The following KCNAB1 variants were observed in gnomAD, a reference collection of about 807,000 sequenced individuals.
The protein encoded by KCNAB1 is potassium voltage-gated channel subfamily A regulatory beta subunit 1.
Under a neutral mutation model 64.6 loss-of-function variants are expected in KCNAB1, and 35 were observed. That is an observed-to-expected ratio of 0.54 (90% CI 0.41 to 0.72). KCNAB1 has a LOEUF of 0.72. Among genes scored for constraint, KCNAB1 ranks in the 30% least tolerant of loss-of-function variants. The pLI is 0.00. For missense variants in KCNAB1, 401 were observed against 512.9 expected (o/e 0.78, Z 2.11); for synonymous variants, 177 against 183.8 (o/e 0.96, Z 0.30).
At chr3:156,433,371 T>A (rs908045966) in intron 2 of KCNAB1, among the ~76,000 whole-genome samples, 6 of 152,162 alleles carry the variant, frequency 3.9e-5, no homozygotes, top group Non-Finnish European at 7.3e-5. Flanking sequence ...ATTTATGGAA[T>A]GACGAGTGAA....
At chr3:156,291,622 C>T in intron 1 of KCNAB1, 1 of 1,315,430 alleles carries the variant, frequency 7.6e-7, no homozygotes, top group African/African-American at 1.5e-5. Context: ...GATTACAGCC[C>T]GGGAAGATTT....
At chr3:156,131,551 A>G (rs1713995166) in intron 1 of KCNAB1, among the ~76,000 whole-genome samples, 1 of 152,198 alleles carries the variant, frequency 6.6e-6, no homozygotes, top group Non-Finnish European at 1.5e-5. Context: ...AATAAAGTGC[A>G]TTGTTTTTAT....
At chr3:156,282,111 A>C (rs1378261900) in intron 1 of KCNAB1, among the ~76,000 whole-genome samples, 1 of 148,444 alleles carries the variant, frequency 6.7e-6, no homozygotes, top group African/African-American at 2.5e-5. Flanking sequence ...TTAGTGCTAT[A>C]AATTTCCCTC....
chr3:156,353,361 G>A (rs1724982067), intron 1 of KCNAB1, among the ~76,000 whole-genome samples: 1 of 152,198 alleles, frequency 6.6e-6, no homozygotes, highest in African/African-American at 2.4e-5. Flanking sequence ...GTACCAGATA[G>A]AAAATGATGA....
intron 1 of KCNAB1, among the ~76,000 whole-genome samples, chr3:156,200,585 A>G (rs1006898055): frequency 6.6e-6 from 1 of 152,176 alleles, no homozygotes; most frequent in African/African-American, 2.4e-5. Context: ...TGAATTCCGC[A>G]GAAATTCCCA....
intron 12 of KCNAB1, among the ~76,000 whole-genome samples, chr3:156,527,830 C>G (rs1184833860): frequency 6.6e-6 from 1 of 152,210 alleles, no homozygotes; most frequent in Non-Finnish European, 1.5e-5. Flanking sequence ...AGAAAGCAAA[C>G]TACTTGAACC....
chr3:156,268,778 T>C (rs1329582001), intron 1 of KCNAB1, among the ~76,000 whole-genome samples: 1 of 152,246 alleles, frequency 6.6e-6, no homozygotes, highest in Non-Finnish European at 1.5e-5. Context: ...TGTTGTCAGA[T>C]AGATAGTTTG....
intron 1 of KCNAB1, among the ~76,000 whole-genome samples, chr3:156,309,998 A>G (rs1371804087): frequency 6.6e-6 from 1 of 152,218 alleles, no homozygotes; most frequent in Non-Finnish European, 1.5e-5. Context: ...AGTACCTCCA[A>G]CAGGGCTTGT....
intron 1 of KCNAB1, among the ~76,000 whole-genome samples, chr3:156,238,473 T>C (rs1307904778): frequency 2.7e-5 from 4 of 150,524 alleles, no homozygotes; most frequent in Non-Finnish European, 5.9e-5. Context: ...CAGAGAGATC[T>C]TAAAGGCACT....
In KCNAB1 at chr3:156,140,610, A is replaced by G. The variant is rs113032576; in HGVS notation, c.275+19724A>G. ...CATCACACTGGGGGTTAAGATTCCC[A>G]CATATGAATTTTGGGAGGAATGCAA... is the stretch of plus-strand genomic sequence containing the variant. On this transcript the variant is annotated intron_variant, in intron 1 of 13. Transcript: ENST00000490337. Among the ~76,000 whole-genome samples the G allele has an allele frequency of 1.8e-4, 28 of 152,342 alleles. 1 individual carries two copies. Among genetic ancestry groups the G allele is most frequent in the African/African-American group, 6.7e-4 (28 of 41,570 alleles).
chr3:156,360,781 T>C (rs1052024970), intron 1 of KCNAB1, among the ~76,000 whole-genome samples: 1 of 152,078 alleles, frequency 6.6e-6, no homozygotes, highest in Non-Finnish European at 1.5e-5. Flanking sequence ...TTCTTTATTT[T>C]ATCTTCTGCC....
intron 1 of KCNAB1, among the ~76,000 whole-genome samples, chr3:156,416,021 G>A (rs1040488278): frequency 7.2e-5 from 11 of 152,080 alleles, no homozygotes; most frequent in African/African-American, 2.7e-4. Context: ...ACCTGAGAAT[G>A]GCCTGTTATT....
intron 1 of KCNAB1, among the ~76,000 whole-genome samples, chr3:156,395,347 C>T (rs1438088503): frequency 6.6e-6 from 1 of 151,008 alleles, no homozygotes; most frequent in Non-Finnish European, 1.5e-5. Context: ...AGATCGAGAC[C>T]ATCCCGGCTA....
chr3:156,163,124 ATTAAC>A (rs1263046251), intron 1 of KCNAB1, among the ~76,000 whole-genome samples: 1 of 152,250 alleles, frequency 6.6e-6, no homozygotes. Context: ...GCTAATTTAA[ATTAAC>A]ATAACAGTAA....
In KCNAB1 at chr3:156,165,105, C is replaced by G. The variant is rs979658778; in HGVS notation, c.275+44219C>G. ...CATCCCGGCTAAAACGGTGAAACCC[C>G]GTCGCTACTAAAAATACAAAAAATT... On this transcript the variant is annotated intron_variant, in intron 1 of 13. Coordinates refer to ENST00000490337, the MANE Select transcript of KCNAB1 (RefSeq NM_172160.3). 3.3e-5 allele frequency among the ~76,000 whole-genome samples: 5 copies of G among 151,510 alleles called. No individual in the cohort carries two copies. In the East Asian group the frequency reaches 9.7e-4, roughly 29 times the overall value.
chr3:156,222,297 A>G (rs1715827480), intron 1 of KCNAB1, among the ~76,000 whole-genome samples: 1 of 152,226 alleles, frequency 6.6e-6, no homozygotes, highest in African/African-American at 2.4e-5. Flanking sequence ...ACCAGACAAA[A>G]CAAACTTTAA....
intron 1 of KCNAB1, among the ~76,000 whole-genome samples, chr3:156,368,422 C>A (rs1726087444): frequency 6.6e-6 from 1 of 152,142 alleles, no homozygotes. Context: ...AAGTTTCACT[C>A]TTTGTTTTCT....
In KCNAB1 at chr3:156,397,580, G is replaced by T. The variant is rs138975007; in HGVS notation, c.276-24036G>T. 2.2e-3 allele frequency among the ~76,000 whole-genome samples: 339 copies of T among 152,172 alleles called. 3 individuals are homozygous for T. The highest frequency in any genetic ancestry group is 8.0e-3 in the African/African-American group (332 of 41,532). On this transcript the variant is annotated intron_variant, in intron 1 of 13. Transcript: ENST00000490337. ...CCTCCTGGGAAACTATAACAGTTTG[G>T]CTCACAGTCTATGTGAAGATGCATA... is the stretch of plus-strand genomic sequence containing the variant.
intron 8 of KCNAB1, among the ~76,000 whole-genome samples, chr3:156,487,543 TAATTA>T (rs1353956927): frequency 1.3e-5 from 2 of 152,158 alleles, no homozygotes; most frequent in East Asian, 3.9e-4. Flanking sequence ...AAATTGCTGA[TAATTA>T]AATAAGATAC....
Sources: gnomAD v4.1 joint callset for allele counts (sites outside exome capture counted in the v4.1 genomes callset) on GRCh38, gnomAD v4.1.1 for gene constraint, MANE v1.5 for transcripts, NCBI Gene and HGNC (gene_info 2026-07-23, HGNC 2026-07-21) for gene names.